The following SF3B3 variants were observed in gnomAD, a reference collection of about 807,000 sequenced individuals.
SF3B3 encodes SAP 130.
Under a neutral mutation model 139.2 loss-of-function variants are expected in SF3B3, and 33 were observed. The ratio of observed to expected loss-of-function variants is 0.24; its 90% CI spans 0.18 to 0.32. The LOEUF is 0.32. Ranked by LOEUF, SF3B3 falls within the 10% of genes least tolerant of loss-of-function variation. SF3B3 has a pLI of 1.00. For synonymous variants in SF3B3, 596 were observed against 563.6 expected (o/e 1.06, Z -0.81); for missense variants, 818 against 1,509.4 (o/e 0.54, Z 7.59).
At chr16:70,536,103 C>G (rs2050163319) in intron 6 of SF3B3, among the ~76,000 whole-genome samples, 1 of 151,920 alleles carries the variant, frequency 6.6e-6, no homozygotes, top group African/African-American at 2.4e-5. Flanking sequence ...CTCATTATCC[C>G]AAAAAGTTCC....
chr16:70,565,216 T>G lies in SF3B3; in HGVS notation c.2615T>G (p.Ile872Ser). The change falls in exon 19 of 26, where the codon ATT becomes AGT. Residue 872 changes from isoleucine (I) to serine (S), a missense_variant. This residue lies in a region of SF3B3 where 145 missense variants were observed against 153.6 expected (regional missense o/e 0.94). Coordinates refer to ENST00000302516, the MANE Select transcript of SF3B3 (RefSeq NM_012426.5). ...TCTGTGATCCGAGTGATGAATCCCA[T>G]TCAAGGGAACACACTGGACCTTGTC... Reference protein sequence around the residue: ...WASVIRVMNPIQGNTLDLVQL... With the variant: ...WASVIRVMNPSQGNTLDLVQL... The G allele has an allele frequency of 1.2e-6, 2 of 1,614,150 alleles. No homozygotes were observed. The highest frequency in any genetic ancestry group is 1.7e-6 in the Non-Finnish European group (2 of 1,180,024).
At chr16:70,529,555 C>G in intron 3 of SF3B3, 1 of 230,880 alleles carries the variant, frequency 4.3e-6, no homozygotes, top group South Asian at 7.4e-5. Context: ...CTGATAAATT[C>G]TTGAAGAAAA....
At chr16:70,562,967 C>G (rs181966035) in intron 17 of SF3B3, among the ~76,000 whole-genome samples, 1 of 152,040 alleles carries the variant, frequency 6.6e-6, no homozygotes, top group African/African-American at 2.4e-5. Flanking sequence ...CCTGGTGGGA[C>G]TGTAGGCGCA....
At chr16:70,534,903 A>C (rs946467660) in intron 5 of SF3B3, among the ~76,000 whole-genome samples, 2 of 152,144 alleles carry the variant, frequency 1.3e-5, no homozygotes, top group African/African-American at 4.8e-5. Flanking sequence ...TCCTGACCTC[A>C]GGTGATCTGC....
intron 23 of SF3B3, 191 bp from the exon 24 acceptor site, chr16:70,569,815 C>G: frequency 1.7e-6 from 1 of 584,374 alleles, no homozygotes. Context: ...TATGGGTATA[C>G]GAGACCTCAC....
intron 14 of SF3B3, 53 bp downstream of exon 14, chr16:70,556,387 GCTCCTGATGTCTATCTCTGAGATCCA>G: frequency 3.8e-6 from 6 of 1,598,502 alleles, no homozygotes; most frequent in South Asian, 3.3e-5. Context: ...TGAGCATCTG[GCTCCTGATGTCTATCTCTGAGATCCA>G]CTCCTGATGT....
rs1567426907 is a variant in SF3B3 at position 70,570,156 on chromosome 16, G to GCGCCCA, written c.3408+9_3408+14dup. The GCGCCCA allele has an allele frequency of 1.2e-6, 2 of 1,613,934 alleles. No homozygotes were observed. Among genetic ancestry groups the GCGCCCA allele is most frequent in the Non-Finnish European group, 1.7e-6 (2 of 1,179,988 alleles). On this transcript the variant is annotated splice_region_variant and intron_variant, in intron 24 of 25. Coordinates refer to ENST00000302516, the MANE Select transcript of SF3B3 (RefSeq NM_012426.5). Reference sequence around the variant, plus strand: ...GCCATTCACGTCCCATGAGGTGAGAGCGCCCACATTACTCTGGCCTTGACT... The same window carrying GCGCCCA: ...GCCATTCACGTCCCATGAGGTGAGAGCGCCCACGCCCACATTACTCTGGCCTTGACT...
chr16:70,538,083 G>T (rs779769848), intron 6 of SF3B3: 8 of 674,942 alleles, frequency 1.2e-5, no homozygotes, highest in Non-Finnish European at 2.2e-5. Flanking sequence ...TTTGCCTTAT[G>T]AATCTGATCA....
chr16:70,541,874 A>G (rs747354289), intron 9 of SF3B3, 40 bp downstream of exon 9: 1 of 1,542,900 alleles, frequency 6.5e-7, no homozygotes, highest in African/African-American at 1.4e-5. Flanking sequence ...ATAGATCTAA[A>G]GTTAAACTGA....
At chr16:70,556,128 C>T in intron 13 of SF3B3, 51 bp from the exon 14 acceptor site, 1 of 1,600,772 alleles carries the variant, frequency 6.2e-7, no homozygotes, top group Non-Finnish European at 8.6e-7. Context: ...ATTGGAGCAT[C>T]TAGACCCATC....
intron 23 of SF3B3, 153 bp from the exon 24 acceptor site, chr16:70,569,853 C>G (rs1381088153): frequency 1.2e-6 from 1 of 801,012 alleles, no homozygotes; most frequent in Non-Finnish European, 1.9e-6. Flanking sequence ...TCTTGAAATC[C>G]TGGGCTCAAG....
At chr16:70,549,741 A>T (rs1239555621) in intron 11 of SF3B3, among the ~76,000 whole-genome samples, 2 of 152,144 alleles carry the variant, frequency 1.3e-5, no homozygotes, top group African/African-American at 2.4e-5. Flanking sequence ...TCTGGCCAAC[A>T]TGGTGAAACC....
chr16:70,543,990 A>C (rs902430250), intron 9 of SF3B3, among the ~76,000 whole-genome samples: 1 of 152,078 alleles, frequency 6.6e-6, no homozygotes, highest in Non-Finnish European at 1.5e-5. Flanking sequence ...AGTAGCTGGG[A>C]CTATAGACAC....
intron 25 of SF3B3, among the ~76,000 whole-genome samples, 171 bp downstream of exon 25, chr16:70,571,370 T>G (rs192457595): frequency 6.6e-6 from 1 of 152,148 alleles, no homozygotes; most frequent in African/African-American, 2.4e-5. Context: ...AGAGTCAACT[T>G]AAGATAGTGT....
intron 12 of SF3B3, 93 bp from the exon 13 acceptor site, chr16:70,554,958 C>T: frequency 1.6e-6 from 2 of 1,264,494 alleles, no homozygotes; most frequent in Non-Finnish European, 2.2e-6. Flanking sequence ...GGCCCCAGGT[C>T]TGATTTTAGT....
chr16:70,556,883 C>T lies in SF3B3; in HGVS notation c.1867-3C>T. On this transcript the variant is annotated splice_region_variant and splice_polypyrimidine_tract_variant and intron_variant, in intron 14 of 25. Transcript: ENST00000302516. ...GTTTTTATGATTTTTCTCTCCCTCT[C>T]AGGACTGTTTGCAACCTCTAAGCAT... The T allele has an allele frequency of 6.2e-7, 1 of 1,614,040 alleles. No homozygotes were observed. Among genetic ancestry groups the T allele is most frequent in the Non-Finnish European group, 8.5e-7 (1 of 1,179,962 alleles).
rs762702318 is a variant in SF3B3, at chr16:70,565,283, G to A, written c.2669+13G>A. 1.2e-6 allele frequency: 2 copies of A among 1,614,120 alleles called. No individual in the cohort carries two copies. The highest frequency in any genetic ancestry group is 2.2e-5 in the South Asian group (2 of 91,080). ...AGGCAGCTTTTAGGTAAGCAGCCCA[G>A]GACAGTCCAGGGTTTGGCAGGCTGG... On this transcript the variant is annotated intron_variant, in intron 19 of 25. Transcript: ENST00000302516.
rs142032952 is a variant in SF3B3 at position 70,556,257 on chromosome 16, C to T, written c.1789C>T (p.Pro597Ser). 2 of 1,614,042 alleles carry T rather than the reference C, an allele frequency of 1.2e-6. No homozygotes were observed. Among genetic ancestry groups the T allele is most frequent in the African/African-American group, 2.7e-5 (2 of 74,918 alleles). Reference protein sequence around the residue: ...VVCMSLANVPPGEQRSRFLAV... With the variant: ...VVCMSLANVPSGEQRSRFLAV... ...GTGCATGAGTCTGGCCAATGTACCC[C>T]CTGGAGAGCAGCGGTCTCGCTTCCT... The change falls in exon 14 of 26, where the codon CCT becomes TCT. Residue 597 changes from proline to serine, a missense_variant. By Grantham distance (74) the Pro-to-Ser change is moderately conservative. Coordinates refer to ENST00000302516, the MANE Select transcript of SF3B3 (RefSeq NM_012426.5).
Position 70,571,076 on chromosome 16 carries a change from T to G in SF3B3, c.3409-19T>G, listed in dbSNP as rs752145734. On this transcript the variant is annotated intron_variant, in intron 24 of 25. Coordinates refer to ENST00000302516, the MANE Select transcript of SF3B3 (RefSeq NM_012426.5). The stretch of plus-strand genomic sequence containing the variant: ...TTGAAATCACTTCTCAGTGACAGAT[T>G]TTTTGTTTCTTCTGCCAGGACCATG... 13 of 1,587,464 alleles carry G rather than the reference T, an allele frequency of 8.2e-6. No individual in the cohort carries two copies. Among genetic ancestry groups the G allele is most frequent in the African/African-American group, 1.3e-5 (1 of 74,380 alleles).
Sources: gnomAD v4.1 joint callset for allele counts (sites outside exome capture counted in the v4.1 genomes callset) on GRCh38, gnomAD v4.1.1 for gene constraint, gnomAD v4.1.1 regional missense constraint, MANE v1.5 for transcripts, NCBI Gene and HGNC (gene_info 2026-07-23, HGNC 2026-07-21) for gene names.